The following KAZN variants were observed in gnomAD, a reference collection of about 807,000 sequenced individuals.
The protein encoded by KAZN is kazrin.
Under a neutral mutation model 87.4 loss-of-function variants are expected in KAZN, and 40 were observed. The observed-to-expected ratio is 0.46, with a 90% CI of 0.36 to 0.60. The LOEUF is 0.60. KAZN is among the 20% of genes least tolerant of loss of function. The pLI, the probability that KAZN is intolerant of heterozygous loss-of-function variation, is 0.00. For missense variants in KAZN, 898 were observed against 1,073.9 expected, an observed-to-expected ratio of 0.84 and a Z score of 2.29; for synonymous variants, 466 against 458.3, an observed-to-expected ratio of 1.02 and a Z score of -0.22.
chr1:14,289,697 T>G (rs1189480514), intron 2 of KAZN, among the ~76,000 whole-genome samples: 2 of 152,180 alleles, frequency 1.3e-5, no homozygotes, highest in African/African-American at 4.8e-5. Context: ...GTTAATATTG[T>G]TATGTGTGAG....
At chr1:13,973,599 G>A (rs1642208123) in intron 1 of KAZN, among the ~76,000 whole-genome samples, 1 of 152,218 alleles carries the variant, frequency 6.6e-6, no homozygotes, top group African/African-American at 2.4e-5. Flanking sequence ...GCTTTCCAGT[G>A]TTTGTAGCCC....
At chr1:14,286,236 C>A (rs1020542201) in intron 2 of KAZN, among the ~76,000 whole-genome samples, 1 of 151,920 alleles carries the variant, frequency 6.6e-6, no homozygotes, top group East Asian at 1.9e-4. Context: ...ACATTCTCCC[C>A]GTGTCTACAC....
At chr1:14,527,596 C>T (rs1671956284) in intron 2 of KAZN, among the ~76,000 whole-genome samples, 1 of 150,850 alleles carries the variant, frequency 6.6e-6, no homozygotes, top group Non-Finnish European at 1.5e-5. Flanking sequence ...CATGGTTCTG[C>T]AGACTGAGCA....
At chr1:14,148,947 T>C (rs1645409773) in intron 1 of KAZN, among the ~76,000 whole-genome samples, 1 of 152,172 alleles carries the variant, frequency 6.6e-6, no homozygotes, top group Middle Eastern at 3.2e-3. Flanking sequence ...TATTTTGGTC[T>C]TGTCGGGTAA....
chr1:14,982,775 G>C (rs868328001), intron 2 of KAZN, among the ~76,000 whole-genome samples: 1 of 152,198 alleles, frequency 6.6e-6, no homozygotes, highest in East Asian at 1.9e-4. Context: ...GCCAGGAGCC[G>C]GTGACCGGTG....
chr1:14,509,465 C>T (rs942688360), intron 2 of KAZN, among the ~76,000 whole-genome samples: 4 of 152,216 alleles, frequency 2.6e-5, no homozygotes, highest in African/African-American at 9.6e-5. Flanking sequence ...ATGGGTGAAA[C>T]TGCCATGGCC....
intron 2 of KAZN, among the ~76,000 whole-genome samples, chr1:14,572,294 C>T (rs142995678): frequency 2.0e-5 from 3 of 152,134 alleles, no homozygotes; most frequent in African/African-American, 7.2e-5. Flanking sequence ...CGGCATTGTA[C>T]AAAGGCTGTG....
At chr1:14,436,270 T>C (rs889601695) in intron 2 of KAZN, among the ~76,000 whole-genome samples, 1 of 151,344 alleles carries the variant, frequency 6.6e-6, no homozygotes, top group Non-Finnish European at 1.5e-5. Context: ...ACACACAGGA[T>C]TAGATGACCT....
intron 2 of KAZN, among the ~76,000 whole-genome samples, chr1:14,473,660 A>C (rs1668571727): frequency 6.9e-6 from 1 of 144,084 alleles, no homozygotes; most frequent in African/African-American, 2.5e-5. Context: ...AAAACACAAA[A>C]ACAAAAAAAA....
chr1:14,278,124 C>T lies in KAZN; in HGVS notation c.249+97532C>T, dbSNP rs144892878. 1.8e-3 allele frequency among the ~76,000 whole-genome samples: 257 copies of T among 144,852 alleles called. 2 individuals are homozygous for T. In the East Asian group the frequency reaches 0.032, roughly 18 times the overall value. ...GGCGGAGGTTGCTGTGAGTCAAGAT[C>T]GCGCCACTGCACTCCAGCCTGGGCA... On this transcript the variant is annotated intron_variant, in intron 2 of 16. Transcript: ENST00000636203.
chr1:14,706,760 TA>T (rs1469756396), intron 1 of KAZN, among the ~76,000 whole-genome samples: 1 of 152,218 alleles, frequency 6.6e-6, no homozygotes, highest in East Asian at 1.9e-4. Flanking sequence ...CCACACCTTT[TA>T]GTAAGCACTT....
At chr1:14,547,836 G>A (rs10927461) in intron 2 of KAZN, among the ~76,000 whole-genome samples, 69,073 of 151,716 alleles carry the variant, frequency 0.46, 16,487 homozygotes, top group South Asian at 0.59. Flanking sequence ...CGATCTGCCC[G>A]CCTCAGCCTC....
rs144571407 is a variant in KAZN, at chr1:14,193,429, G to A, written c.249+12837G>A. Among the ~76,000 whole-genome samples the A allele has an allele frequency of 4.6e-4, 70 of 152,290 alleles. No individual in the cohort carries two copies. In the East Asian group the frequency reaches 0.012, roughly 26 times the overall value. ...GTGATGCGTCTGTAAGCCAAGACAT[G>A]CATGGGGCTACCAGAAGCTGGGAGA... is the stretch of plus-strand genomic sequence containing the variant. On this transcript the variant is annotated intron_variant, in intron 2 of 16. Coordinates refer to the KAZN transcript ENST00000636203.
At chr1:14,177,863 C>T (rs1330471955) in intron 1 of KAZN, among the ~76,000 whole-genome samples, 1 of 150,306 alleles carries the variant, frequency 6.7e-6, no homozygotes, top group African/African-American at 2.5e-5. Context: ...GTTCATCCTG[C>T]TTACAGTTTA....
At chr1:14,204,635 T>G (rs1323862189) in intron 2 of KAZN, among the ~76,000 whole-genome samples, 1 of 152,238 alleles carries the variant, frequency 6.6e-6, no homozygotes, top group Admixed American at 6.5e-5. Context: ...GGCCTTAGAA[T>G]TATTAAAAGG....
intron 1 of KAZN, among the ~76,000 whole-genome samples, chr1:14,051,336 G>A (rs1205901814): frequency 1.3e-5 from 2 of 152,076 alleles, no homozygotes; most frequent in Non-Finnish European, 2.9e-5. Context: ...CTAGGACAGG[G>A]CCCCAGTCAA....
chr1:15,071,229 A>G (rs1187689707), intron 8 of KAZN, among the ~76,000 whole-genome samples: 4 of 152,042 alleles, frequency 2.6e-5, no homozygotes, highest in Non-Finnish European at 1.5e-5. Flanking sequence ...CAAATAGGAT[A>G]TGGATATTTC....
At chr1:14,859,273 C>T (rs1169066271) in intron 1 of KAZN, among the ~76,000 whole-genome samples, 1 of 151,970 alleles carries the variant, frequency 6.6e-6, no homozygotes, top group African/African-American at 2.4e-5. Context: ...GTAGCAAGCA[C>T]GTTTCAGGTA....
At position 15,019,392 on chromosome 1, in the gene KAZN, T is replaced by G. The variant is rs189433580; in HGVS notation, c.419-15357T>G. On this transcript the variant is annotated intron_variant, in intron 2 of 14. Transcript: ENST00000376030. ...TTGCCTCAGTTTCTTCATTTGGTTGTTTGTTTGTTTCTTTGAGACAGAGTC... is the reference window on the plus strand; with the variant it reads ...TTGCCTCAGTTTCTTCATTTGGTTGGTTGTTTGTTTCTTTGAGACAGAGTC... Among the ~76,000 whole-genome samples, 76 of 152,146 alleles carry G rather than the reference T, an allele frequency of 5.0e-4. 1 individual carries two copies. The highest frequency in any genetic ancestry group is 4.1e-3 in the South Asian group (20 of 4,820).
Sources: allele counts gnomAD v4.1 joint callset (sites outside exome capture counted in the v4.1 genomes callset), GRCh38; gene constraint gnomAD v4.1.1; transcripts MANE v1.5; gene names NCBI Gene and HGNC (gene_info 2026-07-23, HGNC 2026-07-21).